The following LRRC47 variants were observed in gnomAD, a reference collection of about 807,000 sequenced individuals.
The protein encoded by LRRC47 is leucine rich repeat containing 47.
A neutral mutation model predicts 40.9 loss-of-function variants in LRRC47; 31 were observed. The observed-to-expected ratio is 0.76, with a 90% CI of 0.57 to 1.02. The LOEUF (loss-of-function observed/expected upper bound fraction) is 1.02, where lower values mean the gene tolerates loss of function less well. Among genes scored for constraint, LRRC47 ranks in the 50% least tolerant of loss-of-function variants. The pLI is 0.00. For synonymous variants in LRRC47, 427 were observed against 371.9 expected, an observed-to-expected ratio of 1.15 and a Z score of -1.70; for missense variants, 726 against 796.1, an observed-to-expected ratio of 0.91 and a Z score of 1.06.
chr1:3,788,567 C>CA (rs1318922192), intron 1 of LRRC47, among the ~76,000 whole-genome samples: 5 of 152,090 alleles, frequency 3.3e-5, no homozygotes, highest in Non-Finnish European at 7.4e-5. Context: ...GAATGGATGG[C>CA]AGGGGTGATG....
chr1:3,789,479 A>G (rs1160543576), intron 1 of LRRC47, among the ~76,000 whole-genome samples: 2 of 152,254 alleles, frequency 1.3e-5, no homozygotes, highest in African/African-American at 4.8e-5. Context: ...CAGACCCAGG[A>G]GCAGCAGCAG....
At chr1:3,782,621 G>A (rs769208584) in intron 5 of LRRC47, 40 bp downstream of exon 5, 20 of 1,162,084 alleles carry the variant, frequency 1.7e-5, no homozygotes, top group Admixed American at 1.5e-4. Context: ...ACAGGGAACA[G>A]CCTAGAAGAC....
At chr1:3,791,508 G>A (rs1397098012) in intron 1 of LRRC47, among the ~76,000 whole-genome samples, 1 of 152,154 alleles carries the variant, frequency 6.6e-6, no homozygotes, top group Non-Finnish European at 1.5e-5. Flanking sequence ...CCAGACTGGA[G>A]TGCAACAGCA....
At chr1:3,788,514 G>T (rs1643598293) in intron 1 of LRRC47, among the ~76,000 whole-genome samples, 1 of 152,166 alleles carries the variant, frequency 6.6e-6, no homozygotes, top group South Asian at 2.1e-4. Flanking sequence ...GAACAGAGTT[G>T]GGGATGGGCT....
intron 4 of LRRC47, 159 bp downstream of exon 4, chr1:3,783,837 G>T: frequency 1.6e-6 from 1 of 620,846 alleles, no homozygotes. Context: ...GTTCCACAAC[G>T]TCTCCTTTGG....
rs1643674035 is a variant in LRRC47 at position 3,796,157 on chromosome 1, G to A, written c.320C>T (p.Ser107Leu). 2.1e-6 allele frequency: 3 copies of A among 1,439,748 alleles called. No homozygotes were observed. The highest frequency in any genetic ancestry group is 9.1e-7 in the Non-Finnish European group (1 of 1,103,582). 89.2% of individuals were successfully genotyped at this position (1,439,748 alleles called of 1,614,324 possible). A position where few individuals can be genotyped will look rare whatever the true frequency, so the allele number is the denominator to read the frequency against. The change falls in exon 1 of 7, where the codon TCG (serine) becomes TTG (leucine). Residue 107 changes from serine (S) to leucine (L), a missense_variant. By Grantham distance (145) the Ser-to-Leu change is moderately radical. Coordinates refer to ENST00000378251, the MANE Select transcript of LRRC47 (RefSeq NM_020710.3). ...CGGCAGCGCCTCCAGCGCGTTGCCC[G>A]ACAGGTCGAGCACCCGAAGGGCAGG... Reference protein sequence around the residue: ...PLPALRVLDLSGNALEALPPG... With the variant: ...PLPALRVLDLLGNALEALPPG...
At chr1:3,795,787 C>G in intron 1 of LRRC47, 75 bp downstream of exon 1, 2 of 1,424,338 alleles carry the variant, frequency 1.4e-6, no homozygotes, top group Non-Finnish European at 1.8e-6. Context: ...AGGAACTGCT[C>G]GGCCCCGAGA....
chr1:3,781,235 TGTG>T lies in LRRC47; in HGVS notation c.1602_1604del (p.Thr536del), dbSNP rs770803763. 1.2e-6 allele frequency: 2 copies of T among 1,614,236 alleles called. No homozygotes were observed. The highest frequency in any genetic ancestry group is 4.5e-5 in the East Asian group (2 of 44,882). ...CGTCCTTTCCAGCACTGGGATTCGTTGTGGGATCTGGAAGTTGTCCAGAGACTG... is the reference window on the plus strand; with the variant it reads ...CGTCCTTTCCAGCACTGGGATTCGTTGGATCTGGAAGTTGTCCAGAGACTG... On this transcript the variant is annotated inframe_deletion, in exon 7 of 7. Transcript: ENST00000378251.
Position 3,786,040 on chromosome 1 carries a change from TTG to T in LRRC47, c.1077+807_1077+808del, listed in dbSNP as rs543133978. On this transcript the variant is annotated intron_variant, in intron 2 of 6. Transcript: ENST00000378251. Reference sequence around the variant, plus strand: ...GCTCACCACCACGCCTGGCTAATTTTTGTGTTTTCGGTAGAGATGGGGTTTCG... The same window carrying T: ...GCTCACCACCACGCCTGGCTAATTTTTGTTTTCGGTAGAGATGGGGTTTCG... 2.5e-4 allele frequency among the ~76,000 whole-genome samples: 38 copies of T among 152,194 alleles called. No homozygotes were observed. The South Asian group carries it at 6.4e-3, about 26-fold the overall frequency.
chr1:3,783,396 G>A (rs1378790098), intron 4 of LRRC47, among the ~76,000 whole-genome samples: 2 of 143,366 alleles, frequency 1.4e-5, no homozygotes, highest in African/African-American at 5.4e-5. Context: ...CTCCAGCCTG[G>A]GCGACAAGAG....
At chr1:3,786,457 G>C (rs557740995) in intron 2 of LRRC47, among the ~76,000 whole-genome samples, 1 of 151,994 alleles carries the variant, frequency 6.6e-6, no homozygotes, top group East Asian at 1.9e-4. Context: ...ATTAGACTGC[G>C]CCACCGTACT....
chr1:3,781,720 C>G, intron 5 of LRRC47, 119 bp from the exon 6 acceptor site: 1 of 796,992 alleles, frequency 1.3e-6, no homozygotes, highest in Non-Finnish European at 2.1e-6. Flanking sequence ...TGGCTCACAC[C>G]TGTAAATCCA....
chr1:3,788,175 G>A (rs1167810521), intron 1 of LRRC47, among the ~76,000 whole-genome samples: 2 of 152,236 alleles, frequency 1.3e-5, no homozygotes, highest in Admixed American at 6.5e-5. Flanking sequence ...GCCGCTGCAG[G>A]TTCAGGCAAA....
At chr1:3,782,868 G>A in intron 4 of LRRC47, 105 bp from the exon 5 acceptor site, 1 of 752,600 alleles carries the variant, frequency 1.3e-6, no homozygotes, top group Non-Finnish European at 2.4e-6. Context: ...GCTGAGACAG[G>A]AGGGCTGCAT....
intron 1 of LRRC47, among the ~76,000 whole-genome samples, chr1:3,793,214 C>G (rs560799623): frequency 6.6e-6 from 1 of 151,912 alleles, no homozygotes; most frequent in East Asian, 1.9e-4. Flanking sequence ...CGGGTTTAAG[C>G]GATTCTCCTG....
Position 3,790,224 on chromosome 1 carries a change from T to C in LRRC47, c.616-2914A>G, listed in dbSNP as rs150075051. Among the ~76,000 whole-genome samples the C allele has an allele frequency of 2.0e-5, 3 of 151,988 alleles. No homozygotes were observed. In the East Asian group the frequency reaches 5.8e-4, roughly 29 times the overall value. ...ACTTCATGGTGGTGACAGGCTGACA[T>C]AAACCAACCCAATAAGGAGCGCCAG... On this transcript the variant is annotated intron_variant, in intron 1 of 6. Transcript: ENST00000378251.
intron 1 of LRRC47, among the ~76,000 whole-genome samples, chr1:3,788,368 C>G (rs1275102052): frequency 5.3e-5 from 8 of 152,200 alleles, no homozygotes; most frequent in Admixed American, 5.2e-4. Flanking sequence ...GCCTCGGTGC[C>G]GGCTCTGCCC....
intron 1 of LRRC47, among the ~76,000 whole-genome samples, chr1:3,791,613 C>T (rs571599829): frequency 3.3e-5 from 5 of 152,342 alleles, no homozygotes; most frequent in East Asian, 3.9e-4. Context: ...TGCGCCACCA[C>T]GCCCGGCTAA....
chr1:3,780,918 G>C lies in LRRC47; in HGVS notation c.*170C>G, dbSNP rs761021009. 7 of 969,558 alleles carry C rather than the reference G, an allele frequency of 7.2e-6. No individual in the cohort carries two copies. The highest frequency in any genetic ancestry group is 1.0e-5 in the Non-Finnish European group (7 of 668,902). 60.1% of individuals were successfully genotyped at this position (969,558 alleles called of 1,614,324 possible). A position where few individuals can be genotyped will look rare whatever the true frequency, so the allele number is the denominator to read the frequency against. On this transcript the variant is annotated 3_prime_UTR_variant, in exon 7 of 7. Transcript: ENST00000378251. ...TTGAACCCAGGAGACACAGGCTGCA[G>C]TGACTCGAGATCACGCCACTGCACT...
Sources: allele counts gnomAD v4.1 joint callset (sites outside exome capture counted in the v4.1 genomes callset), GRCh38; gene constraint gnomAD v4.1.1; transcripts MANE v1.5; gene names NCBI Gene and HGNC (gene_info 2026-07-23, HGNC 2026-07-21).